Variants in NTM observed in about 807,000 individuals in gnomAD.
NTM encodes the protein neurotrimin, also known as IgLON family member 2.
NTM carries 13 observed loss-of-function variants against 42.1 expected under a neutral mutation model. The ratio of observed to expected loss-of-function variants is 0.31; its 90% CI spans 0.20 to 0.49. NTM has a LOEUF of 0.49. NTM is among the 20% of genes least tolerant of loss of function. The pLI is 0.99. For missense variants in NTM, 373 were observed against 452.8 expected (o/e 0.82, Z 1.60); for synonymous variants, 187 against 179.2 (o/e 1.04, Z -0.35).
At chr11:132,283,166 T>C (rs2094068776) in intron 4 of NTM, among the ~76,000 whole-genome samples, 1 of 151,752 alleles carries the variant, frequency 6.6e-6, no homozygotes, top group Non-Finnish European at 1.5e-5. Flanking sequence ...TTTGTATTTT[T>C]AGTAGAGATA....
chr11:132,024,821 G>A (rs565886329), intron 2 of NTM, among the ~76,000 whole-genome samples: 1 of 152,260 alleles, frequency 6.6e-6, no homozygotes, highest in African/African-American at 2.4e-5. Context: ...TTACTCATTT[G>A]TCTGTCAGAT....
In NTM at chr11:131,990,845, A is replaced by G. The variant is rs138812167; in HGVS notation, c.167+79197A>G. 2.6e-3 allele frequency among the ~76,000 whole-genome samples: 393 copies of G among 152,076 alleles called. 4 individuals carry two copies. Among genetic ancestry groups the G allele is most frequent in the African/African-American group, 8.9e-3 (371 of 41,496 alleles). On this transcript the variant is annotated intron_variant, in intron 2 of 8. Transcript: ENST00000683400. ...AGTCAGGGACTGAGCTCTATAAACT[A>G]TTTTCCACATATATGTTCTATTAAA...
At chr11:132,273,428 C>T (rs573024902) in intron 4 of NTM, among the ~76,000 whole-genome samples, 1 of 141,990 alleles carries the variant, frequency 7.0e-6, no homozygotes, top group Non-Finnish European at 1.5e-5. Flanking sequence ...TAGGGTAATA[C>T]TAGCTGCATA....
At chr11:131,869,485 T>TC (rs2137060816) in intron 1 of NTM, among the ~76,000 whole-genome samples, 1 of 152,366 alleles carries the variant, frequency 6.6e-6, no homozygotes, top group East Asian at 1.9e-4. Flanking sequence ...TTCACTGGCT[T>TC]CCCGAGAAAT....
chr11:131,479,214 G>C (rs1264899567), intron 1 of NTM, among the ~76,000 whole-genome samples: 1 of 152,184 alleles, frequency 6.6e-6, no homozygotes, highest in Non-Finnish European at 1.5e-5. Flanking sequence ...TTAGGGCTTG[G>C]AGACAGAGAA....
intron 6 of NTM, among the ~76,000 whole-genome samples, chr11:132,312,947 GGA>G (rs998436552): frequency 3.9e-5 from 6 of 152,180 alleles, no homozygotes; most frequent in African/African-American, 1.4e-4. Flanking sequence ...CCTAGCGTTT[GGA>G]GAGGAAGGCT....
intron 4 of NTM, among the ~76,000 whole-genome samples, chr11:132,247,999 C>T (rs889605390): frequency 1.3e-5 from 2 of 152,092 alleles, no homozygotes; most frequent in Admixed American, 6.6e-5. Context: ...AGAGAGAGCA[C>T]CTGAAATGCC....
chr11:131,792,718 G>A (rs752490165), intron 1 of NTM, among the ~76,000 whole-genome samples: 5 of 152,264 alleles, frequency 3.3e-5, no homozygotes, highest in Non-Finnish European at 7.4e-5. Flanking sequence ...TTTCTGAAAC[G>A]CCACGTGCAG....
At chr11:131,931,651 A>G (rs931493265) in intron 2 of NTM, among the ~76,000 whole-genome samples, 9 of 152,106 alleles carry the variant, frequency 5.9e-5, no homozygotes, top group Admixed American at 2.6e-4. Flanking sequence ...CCACATGCCC[A>G]TGACCTGGCT....
At chr11:132,056,094 AT>A (rs990600111) in intron 2 of NTM, among the ~76,000 whole-genome samples, 3 of 152,222 alleles carry the variant, frequency 2.0e-5, no homozygotes, top group Non-Finnish European at 4.4e-5. Context: ...GGAATAATTC[AT>A]TTTTGCAGTA....
intron 2 of NTM, among the ~76,000 whole-genome samples, chr11:132,111,606 G>T (rs2063211159): frequency 6.6e-6 from 1 of 152,210 alleles, no homozygotes; most frequent in South Asian, 2.1e-4. Flanking sequence ...GTCACAGTAT[G>T]CCCTGTGTAA....
chr11:132,335,151 A>G lies in NTM; in HGVS notation c.*5A>G. Reference sequence around the variant, plus strand: ...CACCTGCTTCTCAAATTTTGATGTGAGTGCCACTTCCCCACCCGGGAAAGG... The same window carrying G: ...CACCTGCTTCTCAAATTTTGATGTGGGTGCCACTTCCCCACCCGGGAAAGG... On this transcript the variant is annotated 3_prime_UTR_variant, in exon 9 of 9. Coordinates refer to ENST00000683400, the MANE Select transcript of NTM (RefSeq NM_001352005.2). The G allele has an allele frequency of 6.2e-7, 1 of 1,612,052 alleles. No homozygotes were observed. Among genetic ancestry groups the G allele is most frequent in the South Asian group, 1.1e-5 (1 of 91,066 alleles).
chr11:132,150,133 G>T, intron 3 of NTM, among the ~76,000 whole-genome samples: 1 of 152,154 alleles, frequency 6.6e-6, no homozygotes, highest in African/African-American at 2.4e-5. Context: ...GCGTGAAGGG[G>T]ACCCAGTATA....
At chr11:132,061,439 G>A (rs2080657619) in intron 2 of NTM, among the ~76,000 whole-genome samples, 1 of 152,212 alleles carries the variant, frequency 6.6e-6, no homozygotes, top group African/African-American at 2.4e-5. Flanking sequence ...AAGAAGGGTT[G>A]TGTTTAACTA....
chr11:132,065,480 A>G (rs1395352410), intron 2 of NTM, among the ~76,000 whole-genome samples: 1 of 152,016 alleles, frequency 6.6e-6, no homozygotes, highest in African/African-American at 2.4e-5. Flanking sequence ...CTCACTTCAT[A>G]TCTTGTTCAT....
chr11:131,391,996 T>C (rs1944067484), intron 1 of NTM, among the ~76,000 whole-genome samples: 1 of 152,248 alleles, frequency 6.6e-6, no homozygotes, highest in African/African-American at 2.4e-5. Context: ...TGAGGCACTG[T>C]AGCTGAAAAT....
intron 2 of NTM, among the ~76,000 whole-genome samples, chr11:132,112,894 C>T (rs1469801689): frequency 6.6e-6 from 1 of 152,140 alleles, no homozygotes; most frequent in Non-Finnish European, 1.5e-5. Flanking sequence ...AGATAATCTT[C>T]CTTGGTCACA....
chr11:131,523,030 T>G (rs923089090), intron 1 of NTM, among the ~76,000 whole-genome samples: 3 of 152,208 alleles, frequency 2.0e-5, no homozygotes, highest in Admixed American at 1.3e-4. Flanking sequence ...CTCAGAAACA[T>G]GAAAGCATCT....
At chr11:131,530,531 C>T (rs2051113688) in intron 1 of NTM, among the ~76,000 whole-genome samples, 1 of 151,944 alleles carries the variant, frequency 6.6e-6, no homozygotes, top group African/African-American at 2.4e-5. Flanking sequence ...AACACTTTCC[C>T]CACTATAGGG....
Sources: gnomAD v4.1 joint callset for allele counts (sites outside exome capture counted in the v4.1 genomes callset) on GRCh38, gnomAD v4.1.1 for gene constraint, MANE v1.5 for transcripts, NCBI Gene and HGNC (gene_info 2026-07-23, HGNC 2026-07-21) for gene names.